Variants in TRHDE observed in about 807,000 individuals in gnomAD.
TRHDE encodes the protein thyrotropin releasing hormone degrading enzyme, also known as thyrotropin-releasing hormone-degrading ectoenzyme.
Under a neutral mutation model 125.7 loss-of-function variants are expected in TRHDE, and 72 were observed. That is an observed-to-expected ratio of 0.57 (90% confidence interval 0.47 to 0.70). The LOEUF is 0.70. Among genes scored for constraint, TRHDE ranks in the 30% least tolerant of loss-of-function variants. The pLI, the probability that TRHDE is intolerant of heterozygous loss-of-function variation, is 0.00. For missense variants in TRHDE, 1,110 were observed against 1,327.1 expected (o/e 0.84, Z 2.54); for synonymous variants, 509 against 509.1 (o/e 1.00, Z 0.00).
intron 4 of TRHDE, among the ~76,000 whole-genome samples, chr12:72,471,749 A>G (rs1158873503): frequency 6.6e-6 from 1 of 152,144 alleles, no homozygotes; most frequent in Non-Finnish European, 1.5e-5. Flanking sequence ...AGCTGTTTTT[A>G]TTTGTATTTC....
intron 15 of TRHDE, among the ~76,000 whole-genome samples, chr12:72,628,394 G>A (rs529638413): frequency 6.6e-6 from 1 of 150,808 alleles, no homozygotes; most frequent in Non-Finnish European, 1.5e-5. Flanking sequence ...ACAACAGTGT[G>A]TAAAAATGAG....
chr12:72,639,757 G>T (rs538167068), intron 15 of TRHDE, among the ~76,000 whole-genome samples: 340 of 152,064 alleles, frequency 2.2e-3, no homozygotes, highest in African/African-American at 7.7e-3. Flanking sequence ...TGGAGTACCC[G>T]GCCGTGTGAG....
intron 2 of TRHDE, among the ~76,000 whole-genome samples, chr12:72,316,724 C>A: frequency 6.6e-6 from 1 of 152,078 alleles, no homozygotes; most frequent in Non-Finnish European, 1.5e-5. Flanking sequence ...AGCAAAGATC[C>A]CATCATATGA....
chr12:72,557,317 C>T (rs1214893), intron 7 of TRHDE, among the ~76,000 whole-genome samples: 147,508 of 152,296 alleles, frequency 0.97, 71,458 homozygotes, highest in East Asian at 1. Flanking sequence ...CCTGAGAAGC[C>T]AAATCATAGA....
intron 2 of TRHDE, among the ~76,000 whole-genome samples, chr12:72,357,903 T>C (rs1181958564): frequency 6.6e-6 from 1 of 151,446 alleles, no homozygotes; most frequent in Non-Finnish European, 1.5e-5. Context: ...ACCATGCTTT[T>C]GGCAATAAAG....
intron 15 of TRHDE, among the ~76,000 whole-genome samples, chr12:72,649,092 G>C (rs1301549440): frequency 6.6e-6 from 1 of 151,752 alleles, no homozygotes; most frequent in Non-Finnish European, 1.5e-5. Context: ...AACCTATTTT[G>C]AGAAAGGAGA....
chr12:72,393,968 G>A (rs1050074672), intron 3 of TRHDE, among the ~76,000 whole-genome samples: 2 of 152,162 alleles, frequency 1.3e-5, no homozygotes, highest in Middle Eastern at 3.4e-3. Flanking sequence ...GACAATGAAT[G>A]GATTGGAATT....
At chr12:72,502,887 T>C (rs1878214240) in intron 6 of TRHDE, among the ~76,000 whole-genome samples, 1 of 152,138 alleles carries the variant, frequency 6.6e-6, no homozygotes, top group African/African-American at 2.4e-5. Flanking sequence ...GGTTAAAACA[T>C]TGAGGCTGAA....
intron 12 of TRHDE, chr12:72,611,260 C>A: frequency 6.1e-6 from 1 of 165,196 alleles, no homozygotes. Context: ...AGTGGCTTTG[C>A]ACTAGCCAGC....
chr12:72,589,673 C>A (rs1285576846), intron 12 of TRHDE, among the ~76,000 whole-genome samples: 1 of 152,070 alleles, frequency 6.6e-6, no homozygotes, highest in East Asian at 1.9e-4. Context: ...TCATCTAGGT[C>A]ATTACAGTCA....
At chr12:72,287,476 C>T (rs1373612043) in intron 2 of TRHDE, among the ~76,000 whole-genome samples, 2 of 151,348 alleles carry the variant, frequency 1.3e-5, no homozygotes, top group African/African-American at 2.4e-5. Flanking sequence ...ATCCCTTGAT[C>T]TCACTGCCTT....
intron 2 of TRHDE, among the ~76,000 whole-genome samples, chr12:72,226,118 G>A (rs1482896192): frequency 1.3e-5 from 2 of 152,206 alleles, no homozygotes; most frequent in Non-Finnish European, 2.9e-5. Context: ...AGCATTTCAA[G>A]TGAGACCAGG....
At chr12:72,631,675 A>G (rs1873500920) in intron 15 of TRHDE, among the ~76,000 whole-genome samples, 1 of 151,952 alleles carries the variant, frequency 6.6e-6, no homozygotes, top group Non-Finnish European at 1.5e-5. Context: ...TGTCAATTAA[A>G]GGCCTAGAGA....
chr12:72,478,553 C>T (rs1592475709), intron 5 of TRHDE, among the ~76,000 whole-genome samples: 3 of 152,114 alleles, frequency 2.0e-5, no homozygotes, highest in East Asian at 1.9e-4. Flanking sequence ...TTAAGAGGAA[C>T]TGGGGACCTG....
intron 3 of TRHDE, among the ~76,000 whole-genome samples, chr12:72,393,347 T>C (rs963052916): frequency 2.0e-5 from 3 of 152,180 alleles, no homozygotes; most frequent in Non-Finnish European, 4.4e-5. Flanking sequence ...GGTTTTCAAA[T>C]TACTAAGTCC....
intron 2 of TRHDE, among the ~76,000 whole-genome samples, chr12:72,203,311 A>C (rs1877598857): frequency 6.6e-6 from 1 of 152,014 alleles, no homozygotes; most frequent in Non-Finnish European, 1.5e-5. Flanking sequence ...AAATCAAAAA[A>C]CAAAAAATTA....
chr12:72,272,269 G>A, upstream of TRHDE: 1 of 366,132 alleles, frequency 2.7e-6, no homozygotes, highest in East Asian at 7.3e-5. The surrounding 1 kb of genome is among the most constrained non-coding windows in gnomAD (Gnocchi z 6.7). Context: ...GAAGGCTCCC[G>A]CGGAAAGCGA....
intron 2 of TRHDE, among the ~76,000 whole-genome samples, chr12:72,144,073 C>T (rs1876173834): frequency 6.6e-6 from 1 of 152,188 alleles, no homozygotes; most frequent in Non-Finnish European, 1.5e-5. Context: ...TCTAATTTTA[C>T]TAGCAACTGT....
intron 3 of TRHDE, among the ~76,000 whole-genome samples, chr12:72,387,217 C>A (rs1458690653): frequency 1.3e-5 from 2 of 152,170 alleles, no homozygotes; most frequent in Non-Finnish European, 2.9e-5. Flanking sequence ...AAACCACCAT[C>A]ATTTGGATAT....
Sources: allele counts gnomAD v4.1 joint callset (sites outside exome capture counted in the v4.1 genomes callset), GRCh38; gene constraint gnomAD v4.1.1; non-coding constraint Gnocchi (gnomAD v3.1); transcripts MANE v1.5; gene names NCBI Gene and HGNC (gene_info 2026-07-23, HGNC 2026-07-21).